BICD1: variants seen among roughly 807,000 people sequenced by gnomAD.
BICD1 encodes the protein BICD cargo adaptor 1.
Under a neutral mutation model 92.5 loss-of-function variants are expected in BICD1, and 35 were observed. The observed-to-expected ratio is 0.38, with a 90% CI of 0.29 to 0.50. The LOEUF is 0.50. Among genes scored for constraint, BICD1 ranks in the 20% least tolerant of loss-of-function variants. BICD1 has a pLI of 0.93. For missense variants in BICD1, 950 were observed against 1,189.8 expected (o/e 0.80, Z 2.97); for synonymous variants, 429 against 465.1 (o/e 0.92, Z 1.00).
chr12:32,367,971 C>T, intron 9 of BICD1: 2 of 496,792 alleles, frequency 4.0e-6, no homozygotes, highest in South Asian at 6.2e-5. Context: ...GTAGACTCTA[C>T]AGGCTGCCTT....
chr12:32,375,750 T>C (rs1939930473), intron 9 of BICD1, among the ~76,000 whole-genome samples: 1 of 152,206 alleles, frequency 6.6e-6, no homozygotes, highest in Non-Finnish European at 1.5e-5. Flanking sequence ...TCAGATATTT[T>C]CCATAATTAT....
intron 2 of BICD1, among the ~76,000 whole-genome samples, chr12:32,289,865 G>C (rs1947680577): frequency 6.6e-6 from 1 of 152,200 alleles, no homozygotes; most frequent in Non-Finnish European, 1.5e-5. Flanking sequence ...GAAATTCATA[G>C]AAGCCTTTGG....
intron 1 of BICD1, among the ~76,000 whole-genome samples, chr12:32,128,006 T>A (rs113214013): frequency 0.1 from 15,600 of 151,522 alleles, 1,066 homozygotes; most frequent in Middle Eastern, 0.21. Flanking sequence ...GAGGCTCCAG[T>A]GATTCTCCTG....
At chr12:32,157,550 G>C (rs961548800) in intron 1 of BICD1, among the ~76,000 whole-genome samples, 7 of 152,110 alleles carry the variant, frequency 4.6e-5, no homozygotes, top group Admixed American at 3.9e-4. Flanking sequence ...ATCAATCAAG[G>C]GTGCTCTCCA....
chr12:32,219,285 G>C (rs147389775), intron 2 of BICD1, among the ~76,000 whole-genome samples: 367 of 152,194 alleles, frequency 2.4e-3, no homozygotes, highest in African/African-American at 7.4e-3. Context: ...CATATATGTT[G>C]GGTGCATCGT....
At chr12:32,305,600 A>G (rs991783117) in intron 3 of BICD1, 97 bp from the exon 4 acceptor site, 51 of 1,078,298 alleles carry the variant, frequency 4.7e-5, no homozygotes, top group Non-Finnish European at 5.0e-5. Flanking sequence ...CTCATGTTGT[A>G]TTTTGTTAAG....
chr12:32,118,406 C>T (rs1684149), intron 1 of BICD1, among the ~76,000 whole-genome samples: 129,263 of 152,094 alleles, frequency 0.85, 55,146 homozygotes, highest in African/African-American at 0.92. Flanking sequence ...TAATCTGCAT[C>T]GTCAACTAGT....
At chr12:32,135,263 T>C (rs1333509427) in intron 1 of BICD1, among the ~76,000 whole-genome samples, 1 of 151,794 alleles carries the variant, frequency 6.6e-6, no homozygotes, top group Admixed American at 6.6e-5. Context: ...TAATTTTATA[T>C]TTTTAGTAGA....
At chr12:32,324,669 G>A (rs973446393) in intron 4 of BICD1, among the ~76,000 whole-genome samples, 4 of 151,936 alleles carry the variant, frequency 2.6e-5, no homozygotes, top group South Asian at 4.1e-4. Flanking sequence ...TCCATCCCCC[G>A]GGTTCAGGCA....
At chr12:32,329,445 G>C (rs997304519) in intron 5 of BICD1, among the ~76,000 whole-genome samples, 1 of 152,160 alleles carries the variant, frequency 6.6e-6, no homozygotes, top group Non-Finnish European at 1.5e-5. Flanking sequence ...CCCAAACTTA[G>C]AGAAACAAGA....
At chr12:32,214,157 A>G (rs11830994) in intron 1 of BICD1, among the ~76,000 whole-genome samples, 1,703 of 152,250 alleles carry the variant, frequency 0.011, 33 homozygotes, top group African/African-American at 0.039. Flanking sequence ...CTTTTGACAT[A>G]TCCTCATTAT....
chr12:32,333,527 A>C (rs1435678443), intron 5 of BICD1, among the ~76,000 whole-genome samples: 1 of 152,234 alleles, frequency 6.6e-6, no homozygotes, highest in African/African-American at 2.4e-5. Context: ...TTAAAAACCA[A>C]GGTAGTCTTC....
At chr12:32,332,119 G>A (rs1384129807) in intron 5 of BICD1, among the ~76,000 whole-genome samples, 2 of 152,118 alleles carry the variant, frequency 1.3e-5, no homozygotes, top group African/African-American at 2.4e-5. Flanking sequence ...ACTAACACAG[G>A]AACAGAAAAC....
intron 9 of BICD1, among the ~76,000 whole-genome samples, chr12:32,369,901 G>A (rs2136334705): frequency 6.6e-6 from 1 of 152,122 alleles, no homozygotes; most frequent in South Asian, 2.1e-4. Context: ...GTGAGACCCT[G>A]TCTCAAAAAA....
chr12:32,271,863 T>C (rs922961631), intron 2 of BICD1, among the ~76,000 whole-genome samples: 7 of 152,296 alleles, frequency 4.6e-5, no homozygotes, highest in African/African-American at 1.7e-4. Flanking sequence ...TTCTTTTACT[T>C]ACTGCCTGAA....
rs1046329867 is a variant in BICD1 at position 32,381,627 on chromosome 12, T to G, written c.*4000T>G. The G allele has an allele frequency of 1.3e-5, 2 of 152,102 alleles. No individual in the cohort carries two copies. Among genetic ancestry groups the G allele is most frequent in the African/African-American group, 4.8e-5 (2 of 41,438 alleles). 9.4% of individuals were successfully genotyped at this position (152,102 alleles called of 1,614,324 possible). A position where few individuals can be genotyped will look rare whatever the true frequency, so the allele number is the denominator to read the frequency against. ...GATGAGTGTCAATTTTAATGTATAA[T>G]TGTCATAATCAATCAGCCAAAAGTT... On this transcript the variant is annotated 3_prime_UTR_variant, in exon 10 of 10. Coordinates refer to ENST00000652176, the MANE Select transcript of BICD1 (RefSeq NM_001714.4).
At position 32,213,351 on chromosome 12, in the gene BICD1, C is replaced by G. The variant is rs141590523; in HGVS notation, c.214-2896C>G. 9.6e-3 allele frequency among the ~76,000 whole-genome samples: 1,461 copies of G among 152,236 alleles called. 23 individuals carry two copies. Among genetic ancestry groups the G allele is most frequent in the African/African-American group, 0.034 (1,401 of 41,542 alleles). On this transcript the variant is annotated intron_variant, in intron 1 of 9. Transcript: ENST00000652176. Reference sequence around the variant, plus strand: ...GCTTATGCATTTTTGACAACAATACCACTGAAGTGATGTTGTGCCCTTCCC... The same window carrying G: ...GCTTATGCATTTTTGACAACAATACGACTGAAGTGATGTTGTGCCCTTCCC...
At chr12:32,207,259 G>A (rs1945087231) in intron 1 of BICD1, among the ~76,000 whole-genome samples, 1 of 151,814 alleles carries the variant, frequency 6.6e-6, no homozygotes. Context: ...CTCAACAGTT[G>A]ACAAGGGAGT....
At chr12:32,153,338 C>T (rs1160639138) in intron 1 of BICD1, among the ~76,000 whole-genome samples, 1 of 152,114 alleles carries the variant, frequency 6.6e-6, no homozygotes, top group African/African-American at 2.4e-5. Context: ...TAAATTGATT[C>T]TGTGTCTTTG....
Sources: allele counts gnomAD v4.1 joint callset (sites outside exome capture counted in the v4.1 genomes callset), GRCh38; gene constraint gnomAD v4.1.1; transcripts MANE v1.5; gene names NCBI Gene and HGNC (gene_info 2026-07-23, HGNC 2026-07-21).